The following PGM2L1 variants were observed in gnomAD, a reference collection of about 807,000 sequenced individuals.
PGM2L1 encodes phosphoglucomutase 2 like 1, also known as glucose 1,6-bisphosphate synthase.
In PGM2L1, 35 loss-of-function variants were observed where a neutral mutation model predicts 73.4. The ratio of observed to expected loss-of-function variants is 0.48; its 90% CI spans 0.36 to 0.63. PGM2L1 has a LOEUF of 0.63. Ranked by LOEUF, PGM2L1 falls within the 30% of genes least tolerant of loss-of-function variation. The pLI, the probability that PGM2L1 is intolerant of heterozygous loss-of-function variation, is 0.00. For synonymous variants in PGM2L1, 225 were observed against 253.8 expected (o/e 0.89, Z 1.08); for missense variants, 570 against 742.0 (o/e 0.77, Z 2.69).
At chr11:74,389,298 A>G (rs1211807509) in intron 1 of PGM2L1, among the ~76,000 whole-genome samples, 1 of 152,218 alleles carries the variant, frequency 6.6e-6, no homozygotes, top group Non-Finnish European at 1.5e-5. Flanking sequence ...CTAATGAAAT[A>G]TAATAAGATG....
intron 1 of PGM2L1, among the ~76,000 whole-genome samples, chr11:74,394,265 G>A (rs1210731251): frequency 6.6e-6 from 1 of 152,146 alleles, no homozygotes. Flanking sequence ...AAAATGCCCT[G>A]AATAGAAACA....
chr11:74,338,565 A>G lies in PGM2L1; in HGVS notation c.1669T>C (p.Phe557Leu). ...GCAACACAGCCATTTTGAAAAGTAA[A>G]TGTAATCATTTGGCTGTTTTTACTC... ...PVSKNSQMIT[F>L]TFQNGCVATL... Residue 557 changes from phenylalanine (F) to leucine (L), a missense_variant, in exon 13 of 14, where the codon TTT becomes CTT. By Grantham distance (22) the Phe-to-Leu change is conservative (BLOSUM62 0). Transcript: ENST00000298198. 1 of 1,606,798 alleles carries G rather than the reference A, an allele frequency of 6.2e-7. No individual in the cohort carries two copies.
In PGM2L1 at chr11:74,374,665, A is replaced by G. The variant is rs1358180319; in HGVS notation, c.112-83T>C. 5 of 1,180,388 alleles carry G rather than the reference A, an allele frequency of 4.2e-6. No individual in the cohort carries two copies. The East Asian group carries it at 1.2e-4, about 29-fold the overall frequency. 73.1% of individuals were successfully genotyped at this position (1,180,388 alleles called of 1,614,324 possible). A position where few individuals can be genotyped will look rare whatever the true frequency, so the allele number is the denominator to read the frequency against. The stretch of plus-strand genomic sequence containing the variant: ...GCCCTTCTGAGGGGTCAATATGTAC[A>G]TATCACAAGGTTCAACATTCAATAT... On this transcript the variant is annotated intron_variant, in intron 1 of 13. Transcript: ENST00000298198.
chr11:74,379,111 C>T (rs1029778431), intron 1 of PGM2L1, among the ~76,000 whole-genome samples: 2 of 152,144 alleles, frequency 1.3e-5, no homozygotes, highest in Non-Finnish European at 2.9e-5. Flanking sequence ...TTATTTGGCT[C>T]ATGGTTCTGC....
chr11:74,340,999 G>A (rs113586296), intron 12 of PGM2L1, among the ~76,000 whole-genome samples: 25 of 152,142 alleles, frequency 1.6e-4, no homozygotes, highest in African/African-American at 4.6e-4. Context: ...TAGGGAATAA[G>A]GTTGGAAAAG....
intron 5 of PGM2L1, among the ~76,000 whole-genome samples, chr11:74,363,096 A>G (rs1261097627): frequency 1.3e-5 from 2 of 152,216 alleles, no homozygotes; most frequent in East Asian, 1.9e-4. Flanking sequence ...ACTCAAAACC[A>G]CTCAACTACA....
intron 1 of PGM2L1, among the ~76,000 whole-genome samples, chr11:74,386,479 ACT>A (rs1863020077): frequency 6.6e-6 from 1 of 150,656 alleles, no homozygotes; most frequent in Admixed American, 6.6e-5. Context: ...AAAAAAAAAA[ACT>A]TTTTTTTTTT....
intron 13 of PGM2L1, 108 bp from the exon 14 acceptor site, chr11:74,336,862 G>T: frequency 3.1e-6 from 2 of 649,478 alleles, no homozygotes; most frequent in Non-Finnish European, 4.8e-6. Context: ...TAAACAATTG[G>T]TAAACAAAAG....
At chr11:74,375,964 T>C (rs1862847139) in intron 1 of PGM2L1, among the ~76,000 whole-genome samples, 1 of 152,198 alleles carries the variant, frequency 6.6e-6, no homozygotes, top group South Asian at 2.1e-4. Context: ...CATTTAAAGA[T>C]GGGCATAAGA....
intron 1 of PGM2L1, among the ~76,000 whole-genome samples, chr11:74,377,754 A>G (rs1458158525): frequency 6.6e-6 from 1 of 152,174 alleles, no homozygotes; most frequent in Non-Finnish European, 1.5e-5. Flanking sequence ...AAAAACCACT[A>G]CTTGTGTGTC....
At position 74,345,074 on chromosome 11, in the gene PGM2L1, G is replaced by T. The variant is rs537191216; in HGVS notation, c.1218+395C>A. On this transcript the variant is annotated intron_variant, in intron 9 of 13. Coordinates refer to ENST00000298198, the MANE Select transcript of PGM2L1 (RefSeq NM_173582.6). ...ATTGGGTTTACTATGCAATTTAGAA[G>T]ACTACTTGAAGTTCCTTAAGACCAT... 9.9e-5 allele frequency among the ~76,000 whole-genome samples: 15 copies of T among 152,256 alleles called. No homozygotes were observed. The South Asian group carries it at 2.7e-3, about 27-fold the overall frequency.
At chr11:74,397,848 A>G in intron 1 of PGM2L1, 2 of 740,964 alleles carry the variant, frequency 2.7e-6, no homozygotes, top group South Asian at 7.7e-5. Flanking sequence ...TGCAGAAGGA[A>G]GCGATGCAGA....
At chr11:74,371,662 TA>T (rs1862755768) in intron 3 of PGM2L1, 48 bp downstream of exon 3, 1 of 1,508,076 alleles carries the variant, frequency 6.6e-7, no homozygotes, top group Non-Finnish European at 9.2e-7. Flanking sequence ...ATGTTTTAAA[TA>T]TGTTTTATTC....
rs1195996518 is a variant in PGM2L1, at chr11:74,381,571, CTT to C, written c.112-6991_112-6990del. 6.3e-3 allele frequency among the ~76,000 whole-genome samples: 605 copies of C among 95,284 alleles called. 4 individuals carry two copies. Among genetic ancestry groups the C allele is most frequent in the African/African-American group, 0.02 (451 of 22,700 alleles). The allele number at this position is 95,284 out of a possible 152,430, so 62.5% of individuals were successfully genotyped here. On this transcript the variant is annotated intron_variant, in intron 1 of 13. Transcript: ENST00000298198. ...GTTTTTTGTTTGTTTGTGTTTTTGTCTTTTTTTTTTTTTTTTTTTTTTTTTGA... is the reference window on the plus strand; with the variant it reads ...GTTTTTTGTTTGTTTGTGTTTTTGTCTTTTTTTTTTTTTTTTTTTTTTTGA...
At chr11:74,375,740 A>C (rs554257121) in intron 1 of PGM2L1, among the ~76,000 whole-genome samples, 193 of 152,326 alleles carry the variant, frequency 1.3e-3, no homozygotes, top group African/African-American at 4.5e-3. Flanking sequence ...AATGAGATTA[A>C]CTGAAATTTT....
At chr11:74,389,735 C>A (rs1031478228) in intron 1 of PGM2L1, among the ~76,000 whole-genome samples, 1 of 151,100 alleles carries the variant, frequency 6.6e-6, no homozygotes, top group Non-Finnish European at 1.5e-5. Context: ...CAGACGTGAG[C>A]CACTGCGCCC....
chr11:74,352,811 C>A (rs1284288351), intron 5 of PGM2L1, among the ~76,000 whole-genome samples: 1 of 152,156 alleles, frequency 6.6e-6, no homozygotes, highest in African/African-American at 2.4e-5. Flanking sequence ...GAATGATAAG[C>A]CTGTGGGACT....
chr11:74,349,099 A>G (rs906811552), intron 6 of PGM2L1, among the ~76,000 whole-genome samples: 5 of 152,246 alleles, frequency 3.3e-5, no homozygotes, highest in African/African-American at 9.6e-5. Flanking sequence ...GTGATTTTGA[A>G]AATTCTGTTA....
rs1445048455 is a variant in PGM2L1 at position 74,334,917 on chromosome 11, T to C, written c.*1735A>G. ...TTTCTCTCTCTCTCTCTTTTTTTTT[T>C]TTTTTTTGAGATAAGGTCTCACTCT... On this transcript the variant is annotated 3_prime_UTR_variant, in exon 14 of 14. Transcript: ENST00000298198. The C allele has an allele frequency of 1.3e-5, 2 of 151,370 alleles. No individual in the cohort carries two copies. The highest frequency in any genetic ancestry group is 4.9e-5 in the African/African-American group (2 of 41,142). The allele number at this position is 151,370 out of a possible 1,614,324, so 9.4% of individuals were successfully genotyped here. A position where few individuals can be genotyped will look rare whatever the true frequency, so the allele number is the denominator to read the frequency against.
Sources: gnomAD v4.1 joint callset for allele counts (sites outside exome capture counted in the v4.1 genomes callset) on GRCh38, gnomAD v4.1.1 for gene constraint, MANE v1.5 for transcripts, NCBI Gene and HGNC (gene_info 2026-07-23, HGNC 2026-07-21) for gene names.